The following ASTN1 variants were observed in gnomAD, a reference collection of about 807,000 sequenced individuals.
The protein encoded by ASTN1 is astrotactin-1.
In ASTN1, 41 loss-of-function variants were observed where a neutral mutation model predicts 140.7. That is an observed-to-expected ratio of 0.29 (90% confidence interval 0.23 to 0.38). The LOEUF is 0.38. ASTN1 is among the 10% of genes least tolerant of loss of function. The pLI is 1.00. For synonymous variants in ASTN1, 640 were observed against 652.2 expected (o/e 0.98, Z 0.29); for missense variants, 1,479 against 1,678.8 (o/e 0.88, Z 2.08).
intron 8 of ASTN1, among the ~76,000 whole-genome samples, chr1:176,991,643 T>A (rs1367399866): frequency 6.6e-6 from 1 of 152,216 alleles, no homozygotes; most frequent in Non-Finnish European, 1.5e-5. Context: ...GCTGGATTAC[T>A]GCTGAAGCCT....
intron 8 of ASTN1, among the ~76,000 whole-genome samples, chr1:176,994,466 C>T (rs1475912205): frequency 2.0e-5 from 3 of 152,116 alleles, no homozygotes; most frequent in Non-Finnish European, 2.9e-5. Context: ...GCCTCAACCT[C>T]CCAAGTAGTT....
At chr1:177,161,422 T>A (rs887583195) in intron 1 of ASTN1, among the ~76,000 whole-genome samples, 5 of 152,228 alleles carry the variant, frequency 3.3e-5, no homozygotes, top group African/African-American at 9.6e-5. Context: ...TAATCTACCT[T>A]TAATTTTGCA....
intron 8 of ASTN1, among the ~76,000 whole-genome samples, chr1:176,975,086 A>G (rs1673308194): frequency 1.3e-5 from 2 of 152,226 alleles, no homozygotes; most frequent in Non-Finnish European, 2.9e-5. Flanking sequence ...CTTAGCCCAG[A>G]GAACTGTAGT....
At chr1:176,978,083 A>G (rs556023839) in intron 8 of ASTN1, among the ~76,000 whole-genome samples, 1 of 152,216 alleles carries the variant, frequency 6.6e-6, no homozygotes, top group South Asian at 2.1e-4. Context: ...GAGTCTAGGC[A>G]TTGAAGGTGC....
At chr1:176,977,618 A>G (rs946114069) in intron 8 of ASTN1, among the ~76,000 whole-genome samples, 1 of 152,218 alleles carries the variant, frequency 6.6e-6, no homozygotes, top group Non-Finnish European at 1.5e-5. Context: ...ATTACTTTTT[A>G]TGCATTTATA....
At chr1:176,970,182 G>T (rs183173891) in intron 8 of ASTN1, among the ~76,000 whole-genome samples, 3 of 152,120 alleles carry the variant, frequency 2.0e-5, no homozygotes, top group African/African-American at 7.2e-5. Flanking sequence ...ATCCACTTTT[G>T]CAGGGATTTT....
At position 176,863,417 on chromosome 1, in the gene ASTN1, G is replaced by A. The variant is rs1329820840; in HGVS notation, c.*867C>T. ...CAGGCACATGGATATATATTGGTAG[G>A]CTGGAGAAGTCTATCCAAAGGAAGC... On this transcript the variant is annotated 3_prime_UTR_variant, in exon 23 of 23. Coordinates refer to ENST00000361833, the MANE Select transcript of ASTN1 (RefSeq NM_004319.3). The A allele has an allele frequency of 1.8e-5, 18 of 985,722 alleles. No homozygotes were observed. The highest frequency in any genetic ancestry group is 2.2e-5 in the Non-Finnish European group (18 of 829,916). 61.1% of individuals were successfully genotyped at this position (985,722 alleles called of 1,614,324 possible). A position where few individuals can be genotyped will look rare whatever the true frequency, so the allele number is the denominator to read the frequency against.
At chr1:177,069,334 T>C (rs2102051277) in intron 1 of ASTN1, among the ~76,000 whole-genome samples, 1 of 152,316 alleles carries the variant, frequency 6.6e-6, no homozygotes, top group East Asian at 1.9e-4. Flanking sequence ...ACTCTAAAAA[T>C]CTGCAATGTT....
chr1:177,104,552 C>T (rs1680456653), intron 1 of ASTN1, among the ~76,000 whole-genome samples: 1 of 151,990 alleles, frequency 6.6e-6, no homozygotes, highest in Non-Finnish European at 1.5e-5. Context: ...ATTAATATTC[C>T]CCACATACGT....
chr1:176,869,138 T>C (rs1557922506), intron 21 of ASTN1, 111 bp from the exon 22 acceptor site: 1 of 712,484 alleles, frequency 1.4e-6, no homozygotes, highest in African/African-American at 1.8e-5. Flanking sequence ...TATAAACATA[T>C]GTAGATCATT....
At chr1:176,860,747 G>A (rs1404539196), downstream of ASTN1, among the ~76,000 whole-genome samples, 2 of 152,096 alleles carry the variant, frequency 1.3e-5, no homozygotes, top group South Asian at 2.1e-4. Context: ...AGGATGCCAC[G>A]CTCTCTGATA....
chr1:176,876,705 A>G (rs1346264717), intron 20 of ASTN1, 68 bp from the exon 21 acceptor site: 1 of 1,487,232 alleles, frequency 6.7e-7, no homozygotes, highest in South Asian at 1.2e-5. Flanking sequence ...CTGTGGCCCT[A>G]GCTCATGGCC....
intron 1 of ASTN1, among the ~76,000 whole-genome samples, chr1:177,149,091 T>A (rs1449194741): frequency 1.4e-5 from 2 of 138,394 alleles, no homozygotes; most frequent in Non-Finnish European, 1.5e-5. Context: ...TAAACATATA[T>A]ATAGTAAATA....
intron 21 of ASTN1, among the ~76,000 whole-genome samples, chr1:176,876,182 A>T (rs1367012004): frequency 6.6e-6 from 1 of 152,148 alleles, no homozygotes; most frequent in Non-Finnish European, 1.5e-5. Flanking sequence ...ATGTACAAAA[A>T]CCTATAGACA....
intron 8 of ASTN1, among the ~76,000 whole-genome samples, chr1:176,969,331 G>GT (rs111304402): frequency 1.2e-4 from 19 of 152,232 alleles, no homozygotes; most frequent in African/African-American, 3.9e-4. Flanking sequence ...GGTGGAGATG[G>GT]CCCCTAGCCG....
rs1016197050 is a variant in ASTN1, at chr1:177,062,602, C to CA, written c.284-1338dup. On this transcript the variant is annotated intron_variant, in intron 1 of 22. Transcript: ENST00000361833. Reference sequence around the variant, plus strand: ...TCTCCAAAAATTTATTAACTTTGGCCAAAAAATAATAATAATTTCACAGAC... The same window carrying CA: ...TCTCCAAAAATTTATTAACTTTGGCCAAAAAAATAATAATAATTTCACAGAC... 7.3e-4 allele frequency among the ~76,000 whole-genome samples: 109 copies of CA among 149,468 alleles called. 1 individual carries two copies. The highest frequency in any genetic ancestry group is 2.6e-3 in the African/African-American group (106 of 40,580).
intron 1 of ASTN1, among the ~76,000 whole-genome samples, chr1:177,069,450 A>C (rs1266225257): frequency 6.6e-6 from 1 of 152,142 alleles, no homozygotes; most frequent in Admixed American, 6.5e-5. Flanking sequence ...GAAAGGAAAT[A>C]AGCACCCTGG....
At chr1:177,011,821 C>G (rs1437686124) in intron 8 of ASTN1, among the ~76,000 whole-genome samples, 2 of 151,988 alleles carry the variant, frequency 1.3e-5, no homozygotes, top group Non-Finnish European at 2.9e-5. Context: ...TGCCACTCCT[C>G]CACCTCAAAA....
chr1:176,942,721 A>G (rs889565266), intron 14 of ASTN1, among the ~76,000 whole-genome samples: 2 of 148,558 alleles, frequency 1.3e-5, no homozygotes, highest in African/African-American at 2.5e-5. Flanking sequence ...TTTCTCACCT[A>G]TCTGTGACCT....
Sources: allele counts gnomAD v4.1 joint callset (sites outside exome capture counted in the v4.1 genomes callset), GRCh38; gene constraint gnomAD v4.1.1; transcripts MANE v1.5; gene names NCBI Gene and HGNC (gene_info 2026-07-23, HGNC 2026-07-21).